CDH3: variants seen among roughly 807,000 people sequenced by gnomAD.
CDH3 encodes the protein cadherin-3.
CDH3 carries 54 observed loss-of-function variants against 82.0 expected under a neutral mutation model. That is an observed-to-expected ratio of 0.66 (90% CI 0.53 to 0.83). The LOEUF is 0.83. Among genes scored for constraint, CDH3 ranks in the 40% least tolerant of loss-of-function variants. CDH3 has a pLI of 0.00. For synonymous variants in CDH3, 446 were observed against 437.9 expected (o/e 1.02, Z -0.23); for missense variants, 1,054 against 1,084.6 (o/e 0.97, Z 0.40).
chr16:68,696,510 G>C (rs1318451937), intron 15 of CDH3: 1 of 184,986 alleles, frequency 5.4e-6, no homozygotes, highest in Non-Finnish European at 1.1e-5. Context: ...CAGATCACTT[G>C]ACGTCAGGAG....
intron 2 of CDH3, among the ~76,000 whole-genome samples, chr16:68,663,391 C>T (rs928937601): frequency 5.3e-5 from 8 of 151,508 alleles, no homozygotes; most frequent in Non-Finnish European, 8.8e-5. Flanking sequence ...CCATGATGCC[C>T]GGCTAACTTT....
chr16:68,701,455 T>C (rs375288680), downstream of CDH3, among the ~76,000 whole-genome samples: 1 of 152,098 alleles, frequency 6.6e-6, no homozygotes, highest in African/African-American at 2.4e-5. Flanking sequence ...GTGCTGGCCA[T>C]GATGAGGACC....
chr16:68,716,445 A>G (rs990983380), intron 1 of CDH3, among the ~76,000 whole-genome samples: 1 of 151,224 alleles, frequency 6.6e-6, no homozygotes, highest in East Asian at 2.0e-4. Flanking sequence ...ACATATCGAG[A>G]CCCTCATCTC....
chr16:68,670,223 CA>C (rs71148932), intron 2 of CDH3, among the ~76,000 whole-genome samples: 51,318 of 90,484 alleles, frequency 0.57, 12,670 homozygotes, highest in East Asian at 0.7. Context: ...GACTCTGTCT[CA>C]AAAAAAAAAA....
rs1961708493 is a variant in CDH3, at chr16:68,695,894, C to A, written c.2251C>A (p.Pro751Thr). The A allele has an allele frequency of 6.2e-7, 1 of 1,614,114 alleles. No individual in the cohort carries two copies. The highest frequency in any genetic ancestry group is 2.2e-5 in the East Asian group (1 of 44,874). Residue 751 changes from proline (P) to threonine (T), a missense_variant, in exon 15 of 16, where the codon CCA becomes ACA. Pro to Thr is a conservative substitution (Grantham distance 38, BLOSUM62 -1). Coordinates refer to ENST00000264012, the MANE Select transcript of CDH3 (RefSeq NM_001793.6). ...CATGTACCGTCCTCGGCCAGCCAACCCAGATGAAATCGGCAACTTTATAAT... is the reference window on the plus strand; with the variant it reads ...CATGTACCGTCCTCGGCCAGCCAACACAGATGAAATCGGCAACTTTATAAT... ...TPMYRPRPAN[P>T]DEIGNFIIEN... is the part of the protein sequence containing the mutation.
chr16:68,645,450 C>G (rs749664950), intron 1 of CDH3, 26 bp downstream of exon 1: 2 of 1,611,324 alleles, frequency 1.2e-6, no homozygotes, highest in East Asian at 4.5e-5. Flanking sequence ...GCCGTGGCCC[C>G]GACCGGGACC....
At chr16:68,690,709 C>G (rs926320941) in intron 12 of CDH3, among the ~76,000 whole-genome samples, 1 of 152,162 alleles carries the variant, frequency 6.6e-6, no homozygotes, top group African/African-American at 2.4e-5. Flanking sequence ...GAGTTTGAGA[C>G]CAGCCTGGTC....
At chr16:68,669,018 CAT>C (rs1366996840) in intron 2 of CDH3, among the ~76,000 whole-genome samples, 1 of 152,172 alleles carries the variant, frequency 6.6e-6, no homozygotes, top group African/African-American at 2.4e-5. Context: ...TTTGCCCAAT[CAT>C]GTGATAGATA....
rs761155432 is a variant in CDH3, at chr16:68,695,248, C to T, written c.2003-7C>T. 1.2e-6 allele frequency: 2 copies of T among 1,614,144 alleles called. No homozygotes were observed. Among genetic ancestry groups the T allele is most frequent in the South Asian group, 2.2e-5 (2 of 91,080 alleles). Reference sequence around the variant, plus strand: ...GAGGGAGCACTCACACTCCCCAACCCTTGCAGTCCTCCTGCTGGTGCTGCT... The same window carrying T: ...GAGGGAGCACTCACACTCCCCAACCTTTGCAGTCCTCCTGCTGGTGCTGCT... On this transcript the variant is annotated splice_polypyrimidine_tract_variant and splice_region_variant and intron_variant, in intron 13 of 15. Transcript: ENST00000264012.
chr16:68,683,645 CTG>C (rs1372363744), intron 9 of CDH3, among the ~76,000 whole-genome samples: 1 of 74,062 alleles, frequency 1.4e-5, no homozygotes, highest in Non-Finnish European at 2.3e-5. Context: ...GAGCAAGACT[CTG>C]TCTCAAAAAA....
Position 68,682,481 on chromosome 16 carries a change from C to T in CDH3, c.1176C>T (p.Thr392=), listed in dbSNP as rs750338575. Residue 392 remains threonine, a synonymous_variant, in exon 9 of 16, where the codon ACC becomes ACT. Coordinates refer to ENST00000264012, the MANE Select transcript of CDH3 (RefSeq NM_001793.6). The part of the protein sequence containing the change: ...HPESNQGILT[T]RKGLDFEAKN... ...AGAGCAACCAGGGCATCCTGACAAC[C>T]AGGAAGGTGAGTCAGTTCGGGCCTC... is the stretch of plus-strand genomic sequence containing the variant. 4 of 1,614,108 alleles carry T rather than the reference C, an allele frequency of 2.5e-6. No homozygotes were observed. Among genetic ancestry groups the T allele is most frequent in the Non-Finnish European group, 3.4e-6 (4 of 1,180,022 alleles).
At position 68,676,507 on chromosome 16, in the gene CDH3, A is replaced by G. The variant is rs1451189080; in HGVS notation, c.246+37A>G. The stretch of plus-strand genomic sequence containing the variant: ...TGTCCACCTGCAGGACAAAAGAAAG[A>G]TGTTCTCTGTGCATGCCCAAATTGC... On this transcript the variant is annotated intron_variant, in intron 3 of 15. Coordinates refer to ENST00000264012, the MANE Select transcript of CDH3 (RefSeq NM_001793.6). 2.6e-6 allele frequency: 4 copies of G among 1,526,452 alleles called. No homozygotes were observed. The South Asian group carries it at 3.4e-5, about 13-fold the overall frequency. The allele number at this position is 1,526,452 out of a possible 1,614,324, so 94.6% of individuals were successfully genotyped here.
chr16:68,727,917 A>G (rs561094231), downstream of CDH3, among the ~76,000 whole-genome samples: 21 of 152,142 alleles, frequency 1.4e-4, no homozygotes, highest in African/African-American at 5.1e-4. Context: ...TCCAAAAACA[A>G]CAACAACAAA....
chr16:68,685,193 T>C lies in CDH3; in HGVS notation c.1425-12T>C, dbSNP rs1042117912. ...TATTCTGGATGTACTCGTCTCAACT[T>C]TTCCTCTCCAGCTACCGCATCCTGA... On this transcript the variant is annotated splice_polypyrimidine_tract_variant and intron_variant, in intron 10 of 15. Coordinates refer to ENST00000264012, the MANE Select transcript of CDH3 (RefSeq NM_001793.6). 3 of 1,613,932 alleles carry C rather than the reference T, an allele frequency of 1.9e-6. No homozygotes were observed. Among genetic ancestry groups the C allele is most frequent in the South Asian group, 1.1e-5 (1 of 91,080 alleles).
downstream of CDH3, among the ~76,000 whole-genome samples, chr16:68,729,928 C>T (rs1042279185): frequency 2.0e-5 from 3 of 152,142 alleles, no homozygotes; most frequent in African/African-American, 7.2e-5. Context: ...GCCATCACGC[C>T]CAACCCAAAC....
At chr16:68,726,564 T>A (rs13334821) in intron 2 of CDH3, among the ~76,000 whole-genome samples, 4 of 151,404 alleles carry the variant, frequency 2.6e-5, no homozygotes, top group African/African-American at 9.7e-5. Context: ...TTCCAGCTCT[T>A]TCATTTTTTT....
In CDH3 at chr16:68,699,198, C is replaced by T. The variant is rs1961839768; in HGVS notation, c.*798C>T. ...CTCTGTTTACCCTGCTGGCTTCACCCAAGCTTCCTCTCAATGGCAGGGGAT... is the reference window on the plus strand; with the variant it reads ...CTCTGTTTACCCTGCTGGCTTCACCTAAGCTTCCTCTCAATGGCAGGGGAT... On this transcript the variant is annotated 3_prime_UTR_variant, in exon 16 of 16. Coordinates refer to ENST00000264012, the MANE Select transcript of CDH3 (RefSeq NM_001793.6). The T allele has an allele frequency of 6.6e-6, 1 of 152,196 alleles. No individual in the cohort carries two copies. Among genetic ancestry groups the T allele is most frequent in the Non-Finnish European group, 1.5e-5 (1 of 68,042 alleles). 9.4% of individuals were successfully genotyped at this position (152,196 alleles called of 1,614,324 possible).
intron 2 of CDH3, among the ~76,000 whole-genome samples, chr16:68,661,209 C>T (rs117885697): frequency 6.6e-6 from 1 of 152,182 alleles, no homozygotes; most frequent in African/African-American, 2.4e-5. Flanking sequence ...TTTCAAATTT[C>T]TGCAGTTGAA....
chr16:68,730,304 A>G (rs1597833821), downstream of CDH3, among the ~76,000 whole-genome samples: 1 of 150,822 alleles, frequency 6.6e-6, no homozygotes. Flanking sequence ...AGGCGGGCGG[A>G]TCACTTGAGG....
Sources: allele counts gnomAD v4.1 joint callset (sites outside exome capture counted in the v4.1 genomes callset), GRCh38; gene constraint gnomAD v4.1.1; transcripts MANE v1.5; gene names NCBI Gene and HGNC (gene_info 2026-07-23, HGNC 2026-07-21).